EIF4E3: variants seen among roughly 807,000 people sequenced by gnomAD.
EIF4E3 encodes eukaryotic translation initiation factor 4E type 3.
A neutral mutation model predicts 31.7 loss-of-function variants in EIF4E3; 26 were observed. The ratio of observed to expected loss-of-function variants is 0.82; its 90% confidence interval spans 0.60 to 1.14. The LOEUF (loss-of-function observed/expected upper bound fraction) is 1.14, where lower values mean the gene tolerates loss of function less well. Ranked by LOEUF, EIF4E3 falls within the 50% of genes most tolerant of loss-of-function variation. The pLI is 0.00. For synonymous variants in EIF4E3, 128 were observed against 107.7 expected (o/e 1.19, Z -1.17); for missense variants, 304 against 270.9 (o/e 1.12, Z -0.86).
At chr3:71,732,202 A>G (rs965104093) in intron 1 of EIF4E3, among the ~76,000 whole-genome samples, 1 of 152,092 alleles carries the variant, frequency 6.6e-6, no homozygotes, top group Non-Finnish European at 1.5e-5. Context: ...ATATCTCCAC[A>G]CTTTTGCCTG....
At chr3:71,708,730 A>G (rs2049331232) in intron 2 of EIF4E3, among the ~76,000 whole-genome samples, 1 of 152,136 alleles carries the variant, frequency 6.6e-6, no homozygotes, top group Non-Finnish European at 1.5e-5. Context: ...AGGCCTTCAA[A>G]TCAAGTGCTC....
intron 2 of EIF4E3, among the ~76,000 whole-genome samples, chr3:71,708,169 C>T (rs985743293): frequency 6.6e-6 from 1 of 152,146 alleles, no homozygotes; most frequent in East Asian, 1.9e-4. Flanking sequence ...TCACCATGCT[C>T]GGCCTCATTC....
At chr3:71,666,193 C>A in the EIF4E3 span, among the ~76,000 whole-genome samples, 3 of 151,986 alleles carry the variant, frequency 2.0e-5, no homozygotes, top group African/African-American at 7.3e-5. Context: ...ACAGATAGAC[C>A]ACTAGCCAGA....
At chr3:71,705,579 T>C (rs187222284) in intron 2 of EIF4E3, among the ~76,000 whole-genome samples, 19 of 152,294 alleles carry the variant, frequency 1.2e-4, no homozygotes, top group Middle Eastern at 3.4e-3. Context: ...ACAAGTGAGA[T>C]AGGTGTGGCA....
chr3:71,698,870 C>T (rs1182364359), intron 3 of EIF4E3, among the ~76,000 whole-genome samples: 1 of 152,194 alleles, frequency 6.6e-6, no homozygotes, highest in Admixed American at 6.5e-5. Context: ...GAAACTACCC[C>T]TACCAGTGAA....
intron 1 of EIF4E3, among the ~76,000 whole-genome samples, chr3:71,720,776 C>A (rs985441784): frequency 6.6e-6 from 1 of 152,098 alleles, no homozygotes; most frequent in Non-Finnish European, 1.5e-5. Context: ...TGGGAGCAGG[C>A]AGGAAGCTAA....
chr3:71,741,949 G>A (rs973149454), intron 1 of EIF4E3, among the ~76,000 whole-genome samples: 21 of 152,198 alleles, frequency 1.4e-4, no homozygotes, highest in Non-Finnish European at 2.2e-4. Context: ...AGGACATTAG[G>A]AAGTATTCTG....
intron 1 of EIF4E3, among the ~76,000 whole-genome samples, chr3:71,720,339 G>C (rs1411160539): frequency 1.3e-5 from 2 of 151,986 alleles, no homozygotes; most frequent in Non-Finnish European, 2.9e-5. Context: ...GGGACTACAG[G>C]CTCTTGCCAC....
upstream of EIF4E3, among the ~76,000 whole-genome samples, chr3:71,727,944 G>C (rs2049659964): frequency 6.6e-6 from 1 of 152,198 alleles, no homozygotes; most frequent in Non-Finnish European, 1.5e-5. Context: ...ACTAGGAACA[G>C]TCTGGCAGTT....
rs757050146 is a variant in EIF4E3 at position 71,682,731 on chromosome 3, G to A, written c.*1951C>T. ...ACAGAAACTAGAAATATTAACGTGA[G>A]CCTAACATTCCTATTTATTTTTACT... On this transcript the variant is annotated 3_prime_UTR_variant, in exon 7 of 7. Coordinates refer to ENST00000425534, the MANE Select transcript of EIF4E3 (RefSeq NM_001134651.2). 1 of 152,540 alleles carries A rather than the reference G, an allele frequency of 6.6e-6. No homozygotes were observed. The highest frequency in any genetic ancestry group is 2.1e-4 in the South Asian group (1 of 4,830). The allele number at this position is 152,540 out of a possible 1,614,324, so 9.4% of individuals were successfully genotyped here. A position where few individuals can be genotyped will look rare whatever the true frequency, so the allele number is the denominator to read the frequency against.
At chr3:71,671,785 C>T (rs1269906731), downstream of EIF4E3, among the ~76,000 whole-genome samples, 3 of 151,500 alleles carry the variant, frequency 2.0e-5, no homozygotes, top group African/African-American at 7.3e-5. Flanking sequence ...AAAAATTGTG[C>T]TATAAAGGTA....
In EIF4E3 at chr3:71,693,959, T is replaced by A. The variant is rs752355719; in HGVS notation, c.406-18A>T. 2 of 1,549,952 alleles carry A rather than the reference T, an allele frequency of 1.3e-6. No homozygotes were observed. Among genetic ancestry groups the A allele is most frequent in the Non-Finnish European group, 1.7e-6 (2 of 1,150,822 alleles). The stretch of plus-strand genomic sequence containing the variant: ...ACTGTGGACTGATATGGGAAAAGAA[T>A]AAAAAACAAAACAAACAAAATACAG... On this transcript the variant is annotated intron_variant, in intron 4 of 6. Coordinates refer to ENST00000425534, the MANE Select transcript of EIF4E3 (RefSeq NM_001134651.2).
In EIF4E3 at chr3:71,684,220, A is replaced by C. The variant is rs1045098371; in HGVS notation, c.*462T>G. ...AATAATCAGAAGACAGATTTCTCCA[A>C]GCTAGTGTTCCTCCTTGTACAGTGT... On this transcript the variant is annotated 3_prime_UTR_variant, in exon 7 of 7. Transcript: ENST00000425534. The C allele has an allele frequency of 1.3e-5, 2 of 153,676 alleles. No homozygotes were observed. Among genetic ancestry groups the C allele is most frequent in the Non-Finnish European group, 2.9e-5 (2 of 68,776 alleles). 9.5% of individuals were successfully genotyped at this position (153,676 alleles called of 1,614,324 possible).
chr3:71,663,442 A>T, the EIF4E3 span, among the ~76,000 whole-genome samples: 1 of 152,240 alleles, frequency 6.6e-6, no homozygotes, highest in African/African-American at 2.4e-5. Flanking sequence ...AAACTACAAC[A>T]CTGTCTACAA....
intron 1 of EIF4E3, among the ~76,000 whole-genome samples, chr3:71,743,861 T>A (rs2049844978): frequency 6.6e-6 from 1 of 152,002 alleles, no homozygotes; most frequent in Non-Finnish European, 1.5e-5. Context: ...CAACAAGGGG[T>A]GCTGGAACAG....
chr3:71,736,888 G>A (rs578236425), intron 1 of EIF4E3, among the ~76,000 whole-genome samples: 3 of 152,104 alleles, frequency 2.0e-5, no homozygotes, highest in African/African-American at 4.8e-5. Context: ...AATGGAGAAG[G>A]CTATGCATAA....
At chr3:71,717,175 G>A (rs897061067) in intron 1 of EIF4E3, among the ~76,000 whole-genome samples, 10 of 152,202 alleles carry the variant, frequency 6.6e-5, no homozygotes, top group Non-Finnish European at 1.5e-5. Context: ...GCAATGGGTA[G>A]CATCACCCGG....
At chr3:71,714,832 G>C (rs1225902552) in intron 1 of EIF4E3, among the ~76,000 whole-genome samples, 2 of 152,134 alleles carry the variant, frequency 1.3e-5, no homozygotes, top group African/African-American at 4.8e-5. Context: ...CTGAAGCCTG[G>C]GCAGCCGGCA....
At chr3:71,700,036 T>C (rs185117845) in intron 2 of EIF4E3, among the ~76,000 whole-genome samples, 208 of 152,192 alleles carry the variant, frequency 1.4e-3, no homozygotes, top group South Asian at 2.7e-3. Context: ...TAGCTGGGCA[T>C]GGTGACACAT....
Sources: gnomAD v4.1 joint callset for allele counts (sites outside exome capture counted in the v4.1 genomes callset) on GRCh38, gnomAD v4.1.1 for gene constraint, MANE v1.5 for transcripts, NCBI Gene and HGNC (gene_info 2026-07-23, HGNC 2026-07-21) for gene names.